Variants in PABPC4L observed in about 807,000 individuals in gnomAD.
PABPC4L encodes polyadenylate-binding protein 4-like.
For synonymous variants in PABPC4L, 169 were observed against 164.1 expected (o/e 1.03, Z -0.23); for missense variants, 452 against 451.4 (o/e 1.00, Z -0.01).
chr4:133,986,254 T>A, the PABPC4L span, among the ~76,000 whole-genome samples: 1 of 152,114 alleles, frequency 6.6e-6, no homozygotes, highest in Non-Finnish European at 1.5e-5. Flanking sequence ...CATAAACAAC[T>A]TTTTATATCT....
At chr4:134,180,344 G>C in the PABPC4L span, among the ~76,000 whole-genome samples, 1 of 149,802 alleles carries the variant, frequency 6.7e-6, no homozygotes, top group East Asian at 1.9e-4. Context: ...AAATTAATCA[G>C]AAAAAAAAAT....
chr4:134,193,620 T>C (rs1240446633), downstream of PABPC4L, among the ~76,000 whole-genome samples: 1 of 151,954 alleles, frequency 6.6e-6, no homozygotes, highest in African/African-American at 2.4e-5. Context: ...AATTCTATAC[T>C]GTGTATATGA....
At chr4:133,972,111 C>G in the PABPC4L span, among the ~76,000 whole-genome samples, 1 of 152,132 alleles carries the variant, frequency 6.6e-6, no homozygotes, top group African/African-American at 2.4e-5. Context: ...TAATTGAATG[C>G]TAAGATCTAG....
the PABPC4L span, among the ~76,000 whole-genome samples, chr4:134,081,066 T>C: frequency 6.6e-6 from 1 of 152,288 alleles, no homozygotes; most frequent in Middle Eastern, 3.4e-3. Context: ...ATCCAATACA[T>C]ATTTTAAAAT....
the PABPC4L span, among the ~76,000 whole-genome samples, chr4:134,176,463 C>A: frequency 6.6e-6 from 1 of 151,920 alleles, no homozygotes; most frequent in Non-Finnish European, 1.5e-5. Context: ...AACAGTGAGA[C>A]CCTGCCTCTT....
chr4:134,144,548 T>C, the PABPC4L span, among the ~76,000 whole-genome samples: 2 of 147,632 alleles, frequency 1.4e-5, no homozygotes, highest in Non-Finnish European at 3.0e-5. Context: ...AACAGCTTAA[T>C]GAGCTTTCTC....
chr4:134,109,705 G>C, the PABPC4L span, among the ~76,000 whole-genome samples: 201 of 151,522 alleles, frequency 1.3e-3, 1 homozygote, highest in African/African-American at 4.5e-3. Flanking sequence ...GGAGAATCTT[G>C]ATATAAATTT....
the PABPC4L span, among the ~76,000 whole-genome samples, chr4:134,134,701 T>G: frequency 1.3e-5 from 2 of 149,118 alleles, no homozygotes; most frequent in East Asian, 3.9e-4. Context: ...ATAATATATA[T>G]TTTAGATGTA....
the PABPC4L span, among the ~76,000 whole-genome samples, chr4:133,981,966 T>A: frequency 2.2e-4 from 33 of 152,108 alleles, no homozygotes; most frequent in Admixed American, 1.0e-3. Flanking sequence ...GGTTGGACTT[T>A]TTTGTATATT....
chr4:134,017,517 A>G, the PABPC4L span, among the ~76,000 whole-genome samples: 110 of 152,216 alleles, frequency 7.2e-4, 1 homozygote, highest in African/African-American at 2.5e-3. Context: ...CCAAGCCATC[A>G]CAGCTGATAC....
At chr4:134,123,683 A>G in the PABPC4L span, among the ~76,000 whole-genome samples, 2 of 152,104 alleles carry the variant, frequency 1.3e-5, no homozygotes, top group African/African-American at 4.8e-5. Flanking sequence ...AGAAATCTTA[A>G]TATCTTGGGA....
At chr4:133,963,674 C>T in the PABPC4L span, among the ~76,000 whole-genome samples, 1 of 151,972 alleles carries the variant, frequency 6.6e-6, no homozygotes, top group Non-Finnish European at 1.5e-5. Context: ...AACTGAAAAC[C>T]AACTTCAAAG....
the PABPC4L span, among the ~76,000 whole-genome samples, chr4:134,038,841 T>G: frequency 6.6e-6 from 1 of 152,106 alleles, no homozygotes; most frequent in Non-Finnish European, 1.5e-5. Context: ...GCTCTGATCT[T>G]AGTTATTTCT....
chr4:133,981,020 G>A, the PABPC4L span, among the ~76,000 whole-genome samples: 1 of 152,136 alleles, frequency 6.6e-6, no homozygotes, highest in Non-Finnish European at 1.5e-5. Flanking sequence ...AATCAGCCGG[G>A]TGTAGTGGCA....
At chr4:134,182,552 A>T in the PABPC4L span, among the ~76,000 whole-genome samples, 1 of 152,062 alleles carries the variant, frequency 6.6e-6, no homozygotes, top group African/African-American at 2.4e-5. Context: ...CAAAAATTTC[A>T]TTATCAACAC....
the PABPC4L span, among the ~76,000 whole-genome samples, chr4:134,113,268 T>C: frequency 2.6e-5 from 4 of 151,958 alleles, no homozygotes; most frequent in Non-Finnish European, 4.4e-5. Flanking sequence ...GGTACAATAA[T>C]GTCCTAGACC....
At chr4:134,096,142 G>A in the PABPC4L span, among the ~76,000 whole-genome samples, 1 of 151,890 alleles carries the variant, frequency 6.6e-6, no homozygotes, top group Non-Finnish European at 1.5e-5. Flanking sequence ...TAAATAAATA[G>A]GTGTGGTACT....
chr4:134,137,655 A>G, the PABPC4L span, among the ~76,000 whole-genome samples: 2 of 151,868 alleles, frequency 1.3e-5, no homozygotes, highest in African/African-American at 4.8e-5. Flanking sequence ...AAATCCAATC[A>G]GCCATCAAAG....
At chr4:134,103,422 C>G in the PABPC4L span, among the ~76,000 whole-genome samples, 1 of 151,558 alleles carries the variant, frequency 6.6e-6, no homozygotes, top group Non-Finnish European at 1.5e-5. Flanking sequence ...TGGTTTCTTT[C>G]TTCTGAGGCC....
Sources: gnomAD v4.1 joint callset for allele counts (sites outside exome capture counted in the v4.1 genomes callset) on GRCh38, gnomAD v4.1.1 for gene constraint, MANE v1.5 for transcripts, NCBI Gene and HGNC (gene_info 2026-07-23, HGNC 2026-07-21) for gene names.